Variants in PLCH2 observed in about 807,000 individuals in gnomAD.
PLCH2 encodes the protein phospholipase C eta 2.
In PLCH2, 98 loss-of-function variants were observed where a neutral mutation model predicts 134.7. The ratio of observed to expected loss-of-function variants is 0.73; its 90% CI spans 0.62 to 0.86. PLCH2 has a LOEUF of 0.86. PLCH2 is among the 40% of genes least tolerant of loss of function. The probability of loss-of-function intolerance (pLI) is 0.00; values close to 1 mark genes in which losing one functional copy is unlikely to be tolerated. For synonymous variants in PLCH2, 974 were observed against 827.5 expected, an observed-to-expected ratio of 1.18 and a Z score of -3.04; for missense variants, 1,994 against 1,986.6, an observed-to-expected ratio of 1.00 and a Z score of -0.07.
At position 2,494,580 on chromosome 1, in the gene PLCH2, C is replaced by T. The variant is rs1052492678; in HGVS notation, c.1660-276C>T. 5.3e-6 allele frequency: 3 copies of T among 562,066 alleles called. No homozygotes were observed. The Admixed American group carries it at 9.4e-5, about 18-fold the overall frequency. 34.8% of individuals were successfully genotyped at this position (562,066 alleles called of 1,614,324 possible). On this transcript the variant is annotated intron_variant, in intron 11 of 21. Transcript: ENST00000378486. ...AGTTTAAAACAACACATGAGAGACG[C>T]TGAGGCAGGTGTGAGCGAATGTTTC...
At chr1:2,466,668 C>T (rs12042427), upstream of PLCH2, among the ~76,000 whole-genome samples, 40,833 of 152,216 alleles carry the variant, frequency 0.27, 5,864 homozygotes, top group Admixed American at 0.37. Context: ...GGCTCAAGGC[C>T]CCTTGGGGCA....
chr1:2,476,540 C>T lies in PLCH2; in HGVS notation c.-49C>T, dbSNP rs746097896. On this transcript the variant is annotated 5_prime_UTR_variant, in exon 1 of 22. Transcript: ENST00000378486. ...TGCCTGACCTCCGCTGCCCGAAGGC[C>T]GGTGGGCCTCTGTGGCCTCCGTGAA... is the stretch of plus-strand genomic sequence containing the variant. 17 of 1,442,504 alleles carry T rather than the reference C, an allele frequency of 1.2e-5. No homozygotes were observed. The highest frequency in any genetic ancestry group is 8.4e-5 in the Admixed American group (3 of 35,766). 89.4% of individuals were successfully genotyped at this position (1,442,504 alleles called of 1,614,324 possible). A position where few individuals can be genotyped will look rare whatever the true frequency, so the allele number is the denominator to read the frequency against.
rs926537634 is a variant in PLCH2 at position 2,498,997 on chromosome 1, G to C, written c.2435-87G>C. 3 of 1,487,176 alleles carry C rather than the reference G, an allele frequency of 2.0e-6. No homozygotes were observed. Among genetic ancestry groups the C allele is most frequent in the African/African-American group, 2.8e-5 (2 of 72,084 alleles). The allele number at this position is 1,487,176 out of a possible 1,614,324, so 92.1% of individuals were successfully genotyped here. A position where few individuals can be genotyped will look rare whatever the true frequency, so the allele number is the denominator to read the frequency against. On this transcript the variant is annotated intron_variant, in intron 18 of 21. Coordinates refer to ENST00000378486, the MANE Select transcript of PLCH2 (RefSeq NM_014638.4). This position sits in a 1 kb window ranked among gnomAD's most constrained non-coding sequence, Gnocchi z 5.4. ...GAAGCAGCACCGGGAGTGGCACTGG[G>C]AGTGGTGTGGGCCGGGGGCTCCAGG...
At chr1:2,503,886 C>T (rs1412084206) in intron 21 of PLCH2, 36 bp from the exon 22 acceptor site, 4 of 696,468 alleles carry the variant, frequency 5.7e-6, no homozygotes, top group Non-Finnish European at 1.1e-5. Context: ...TCTGCTTCTC[C>T]CTCTGGCTCT....
At chr1:2,418,803 A>G in the PLCH2 span, among the ~76,000 whole-genome samples, 4 of 152,176 alleles carry the variant, frequency 2.6e-5, no homozygotes, top group Non-Finnish European at 5.9e-5. Flanking sequence ...TCCTTTGCAC[A>G]TGGCCTCGAC....
chr1:2,478,627 G>A lies in PLCH2; in HGVS notation c.271+5G>A, dbSNP rs754655543. The A allele has an allele frequency of 6.2e-7, 1 of 1,605,876 alleles. No homozygotes were observed. The highest frequency in any genetic ancestry group is 1.1e-5 in the South Asian group (1 of 89,760). On this transcript the variant is annotated splice_donor_5th_base_variant and intron_variant, in intron 2 of 21. Coordinates refer to ENST00000378486, the MANE Select transcript of PLCH2 (RefSeq NM_014638.4). ...GCAAGAACGAGAAGGCCAAGAGTGA[G>A]TGGGAGCCCTGGGGTGGGGACAAAT...
chr1:2,452,672 G>A (rs749633438), intron 2 of PLCH2, among the ~76,000 whole-genome samples: 2 of 152,238 alleles, frequency 1.3e-5, no homozygotes, highest in Non-Finnish European at 2.9e-5. Flanking sequence ...CAGGCCCTGG[G>A]GACAGGGGAT....
intron 4 of PLCH2, among the ~76,000 whole-genome samples, chr1:2,484,192 GA>G (rs1642171174): frequency 6.6e-6 from 1 of 152,164 alleles, no homozygotes. Flanking sequence ...TGAGTATATG[GA>G]GGTGGCTGTG....
intron 4 of PLCH2, among the ~76,000 whole-genome samples, chr1:2,482,332 C>A (rs553636103): frequency 6.6e-6 from 1 of 152,300 alleles, no homozygotes; most frequent in African/African-American, 2.4e-5. Flanking sequence ...TCCCATGGCC[C>A]CTGGGAGGGC....
intron 2 of PLCH2, among the ~76,000 whole-genome samples, chr1:2,459,504 C>T (rs112182772): frequency 1.4e-4 from 7 of 48,990 alleles, no homozygotes; most frequent in African/African-American, 4.7e-4. Context: ...GGTCCTCCTT[C>T]CTGGTGGTCC....
At chr1:2,461,297 C>A (rs1640790653) in intron 2 of PLCH2, among the ~76,000 whole-genome samples, 2 of 152,200 alleles carry the variant, frequency 1.3e-5, no homozygotes, top group African/African-American at 4.8e-5. Flanking sequence ...CAGCCCGGGG[C>A]TGGACACCTG....
At chr1:2,433,822 G>A (rs942609987) in intron 2 of PLCH2, among the ~76,000 whole-genome samples, 4 of 152,196 alleles carry the variant, frequency 2.6e-5, no homozygotes, top group African/African-American at 9.7e-5. Context: ...AGCCCCTGCC[G>A]GCTCCCCAAA....
the PLCH2 span, among the ~76,000 whole-genome samples, chr1:2,416,080 A>G: frequency 6.6e-6 from 1 of 152,232 alleles, no homozygotes; most frequent in Non-Finnish European, 1.5e-5. Context: ...CTGACGCACC[A>G]GCAGGTGCTG....
upstream of PLCH2, among the ~76,000 whole-genome samples, chr1:2,474,843 G>T (rs966955603): frequency 3.9e-5 from 6 of 152,150 alleles, no homozygotes; most frequent in African/African-American, 9.7e-5. Context: ...CAGGGCTATG[G>T]CCGTCTGGTC....
chr1:2,503,002 G>A (rs543348985), intron 21 of PLCH2: 73 of 715,858 alleles, frequency 1.0e-4, no homozygotes, highest in African/African-American at 8.4e-4. Flanking sequence ...GGACGGTGTC[G>A]CCTCGTGTGC....
At chr1:2,460,065 C>T (rs1640739587) in intron 2 of PLCH2, among the ~76,000 whole-genome samples, 3 of 152,274 alleles carry the variant, frequency 2.0e-5, no homozygotes, top group Admixed American at 2.0e-4. Context: ...CCAGCTGGCG[C>T]TGTCCAGCCC....
intron 21 of PLCH2, chr1:2,503,480 C>A: frequency 1.6e-6 from 1 of 623,208 alleles, no homozygotes; most frequent in Non-Finnish European, 2.9e-6. Context: ...CTGCTTTGGG[C>A]TGAAGCACCC....
chr1:2,477,145 G>A (rs945133998), intron 1 of PLCH2, among the ~76,000 whole-genome samples: 3 of 152,172 alleles, frequency 2.0e-5, no homozygotes, highest in Non-Finnish European at 4.4e-5. Context: ...CTGGGAGGGT[G>A]GAGTGTGTGT....
At chr1:2,418,811 G>T in the PLCH2 span, among the ~76,000 whole-genome samples, 1 of 152,206 alleles carries the variant, frequency 6.6e-6, no homozygotes, top group Non-Finnish European at 1.5e-5. Flanking sequence ...ACATGGCCTC[G>T]ACTTGGCTGT....
Sources: allele counts gnomAD v4.1 joint callset (sites outside exome capture counted in the v4.1 genomes callset), GRCh38; gene constraint gnomAD v4.1.1; non-coding constraint Gnocchi (gnomAD v3.1); transcripts MANE v1.5; gene names NCBI Gene and HGNC (gene_info 2026-07-23, HGNC 2026-07-21).